RTCB: variants seen among roughly 807,000 people sequenced by gnomAD.
RTCB encodes the protein RNA-splicing ligase RTCB.
RTCB carries 32 observed loss-of-function variants against 58.2 expected under a neutral mutation model. That is an observed-to-expected ratio of 0.55 (90% CI 0.41 to 0.74). RTCB has a LOEUF of 0.74. RTCB is among the 30% of genes least tolerant of loss of function. RTCB has a pLI of 0.00. For synonymous variants in RTCB, 247 were observed against 218.6 expected (o/e 1.13, Z -1.15); for missense variants, 523 against 639.0 (o/e 0.82, Z 1.96).
chr22:32,398,612 A>G (rs977410480), intron 6 of RTCB, among the ~76,000 whole-genome samples: 1 of 152,222 alleles, frequency 6.6e-6, no homozygotes, highest in African/African-American at 2.4e-5. Context: ...TAAAGTAAAT[A>G]AATTAATTTT....
At chr22:32,396,326 G>A in intron 7 of RTCB, 77 bp from the exon 8 acceptor site, 1 of 1,421,576 alleles carries the variant, frequency 7.0e-7, no homozygotes, top group Non-Finnish European at 9.6e-7. Context: ...CAGAAAGGTA[G>A]GCTACATTCA....
intron 11 of RTCB, among the ~76,000 whole-genome samples, chr22:32,390,789 A>G (rs1290736315): frequency 6.6e-6 from 1 of 152,164 alleles, no homozygotes; most frequent in African/African-American, 2.4e-5. Context: ...TATTCTTAAG[A>G]TCAGGGGAAA....
intron 8 of RTCB, 91 bp downstream of exon 8, chr22:32,395,983 A>T: frequency 7.5e-7 from 1 of 1,325,326 alleles, no homozygotes; most frequent in Non-Finnish European, 1.1e-6. Context: ...TACAGGCATG[A>T]GCCACCGTGT....
At chr22:32,388,526 T>C (rs963536594) in intron 11 of RTCB, among the ~76,000 whole-genome samples, 3 of 152,204 alleles carry the variant, frequency 2.0e-5, no homozygotes, top group Non-Finnish European at 2.9e-5. Flanking sequence ...GGAATGAACA[T>C]GTAGTACCTT....
chr22:32,387,904 G>C lies in RTCB; in HGVS notation c.*88C>G. The C allele has an allele frequency of 1.1e-6, 1 of 880,538 alleles. No individual in the cohort carries two copies. The highest frequency in any genetic ancestry group is 1.9e-6 in the Non-Finnish European group (1 of 533,570). The allele number at this position is 880,538 out of a possible 1,614,324, so 54.5% of individuals were successfully genotyped here. ...AGCTGCACACTTTGCAACTTGTCCC[G>C]CCTTGAGTCTGATGTCAGAAGAGCA... On this transcript the variant is annotated 3_prime_UTR_variant, in exon 12 of 12. Coordinates refer to ENST00000216038, the MANE Select transcript of RTCB (RefSeq NM_014306.5).
chr22:32,403,896 CATTT>C (rs1353723447), intron 4 of RTCB, among the ~76,000 whole-genome samples: 3 of 152,196 alleles, frequency 2.0e-5, no homozygotes, highest in Non-Finnish European at 2.9e-5. Context: ...GTGAGTTTAA[CATTT>C]TTAGATTGCA....
intron 11 of RTCB, among the ~76,000 whole-genome samples, chr22:32,389,245 G>C (rs529682601): frequency 2.6e-5 from 4 of 152,184 alleles, no homozygotes; most frequent in Non-Finnish European, 5.9e-5. Context: ...CTCTCCCCTA[G>C]ATGAATATTT....
intron 11 of RTCB, among the ~76,000 whole-genome samples, chr22:32,388,841 C>T (rs1933103175): frequency 6.6e-6 from 1 of 152,146 alleles, no homozygotes; most frequent in Non-Finnish European, 1.5e-5. Context: ...AACTTTCCCA[C>T]TGTGGCCTCT....
At chr22:32,397,340 A>C (rs910035780) in intron 7 of RTCB, among the ~76,000 whole-genome samples, 1 of 152,186 alleles carries the variant, frequency 6.6e-6, no homozygotes, top group Non-Finnish European at 1.5e-5. Flanking sequence ...GTAATTGTCC[A>C]AACTGTGAGA....
intron 4 of RTCB, among the ~76,000 whole-genome samples, chr22:32,403,539 G>A (rs1208356656): frequency 4.6e-5 from 7 of 152,120 alleles, no homozygotes; most frequent in African/African-American, 1.7e-4. Context: ...TGTTTTTCTG[G>A]TGAGAACATT....
intron 1 of RTCB, among the ~76,000 whole-genome samples, chr22:32,411,728 A>G (rs1933527825): frequency 6.6e-6 from 1 of 152,176 alleles, no homozygotes; most frequent in African/African-American, 2.4e-5. Context: ...CCTGGAAAAG[A>G]TCACTGAAGT....
chr22:32,398,404 T>C (rs1416405668), intron 6 of RTCB, among the ~76,000 whole-genome samples: 1 of 151,866 alleles, frequency 6.6e-6, no homozygotes, highest in East Asian at 1.9e-4. Flanking sequence ...AGCTGAACAA[T>C]GAGAACACAT....
At chr22:32,397,884 A>T in intron 7 of RTCB, 57 bp downstream of exon 7, 1 of 1,536,906 alleles carries the variant, frequency 6.5e-7, no homozygotes. Flanking sequence ...TTTCGCTCTT[A>T]AATTTCTATC....
intron 2 of RTCB, among the ~76,000 whole-genome samples, chr22:32,408,480 C>A (rs1933465311): frequency 6.6e-6 from 1 of 152,142 alleles, no homozygotes; most frequent in African/African-American, 2.4e-5. Flanking sequence ...ATAGTAAGTG[C>A]AAAACAAATG....
At chr22:32,399,548 A>G in intron 6 of RTCB, 55 bp downstream of exon 6, 1 of 1,516,644 alleles carries the variant, frequency 6.6e-7, no homozygotes, top group Non-Finnish European at 8.9e-7. Context: ...TTTTCCCCCA[A>G]TAAAAACAAA....
At position 32,406,677 on chromosome 22, in the gene RTCB, C is replaced by T. The variant is rs768439770; in HGVS notation, c.325G>A (p.Ala109Thr). 6.2e-7 allele frequency: 1 copy of T among 1,610,964 alleles called. No individual in the cohort carries two copies. The highest frequency in any genetic ancestry group is 2.2e-5 in the East Asian group (1 of 44,808). The change falls in exon 4 of 12, where the codon GCA becomes ACA. Residue 109 changes from alanine to threonine, a missense_variant. Physicochemically the swap from Ala to Thr is moderately conservative, Grantham distance 58 (BLOSUM62 0). This residue lies in a region of RTCB where 141 missense variants were observed against 216.7 expected (regional missense o/e 0.65). Coordinates refer to ENST00000216038, the MANE Select transcript of RTCB (RefSeq NM_014306.5). The part of the protein sequence containing the change: ...MAAFDMNDPE[A>T]VVSPGGVGFD... ...GTGATCTTACCTGGGGATACTACTG[C>T]TTCAGGGTCATTCATATCAAAGGCT... is the stretch of plus-strand genomic sequence containing the variant.
At chr22:32,395,274 C>T (rs181258338) in intron 8 of RTCB, 60 bp from the exon 9 acceptor site, 64 of 1,422,372 alleles carry the variant, frequency 4.5e-5, no homozygotes, top group Admixed American at 4.2e-4. Context: ...TTCAGCTCTT[C>T]GTGACTCATC....
rs781604964 is a variant in RTCB at position 32,393,993 on chromosome 22, G to A, written c.1189C>T (p.Gln397Ter). The A allele has an allele frequency of 6.2e-7, 1 of 1,608,180 alleles. No homozygotes were observed. The highest frequency in any genetic ancestry group is 2.2e-5 in the East Asian group (1 of 44,856). The change falls in exon 10 of 12, where the codon CAG becomes TAG. Residue 397 changes from glutamine to a stop codon, truncating the protein, a stop_gained. Coordinates refer to ENST00000216038, the MANE Select transcript of RTCB (RefSeq NM_014306.5). LOFTEE classifies it high-confidence loss of function. The stretch of plus-strand genomic sequence containing the variant: ...ATGGTGCCACCAATGAGCACTGGCT[G>A]TCCAGTGAGCTGAGGATGCACATAA... ...LIAVDYQLTGQPVLIGGTMGT... is the reference protein window; with the variant it reads ...LIAVDYQLTG
chr22:32,412,054 C>T lies in RTCB; in HGVS notation c.93+10G>A. 2 of 1,600,208 alleles carry T rather than the reference C, an allele frequency of 1.2e-6. No individual in the cohort carries two copies. Among genetic ancestry groups the T allele is most frequent in the Admixed American group, 3.4e-5 (2 of 58,634 alleles). On this transcript the variant is annotated intron_variant, in intron 1 of 11. Coordinates refer to ENST00000216038, the MANE Select transcript of RTCB (RefSeq NM_014306.5). ...CACGGAAGGCCCCGCCATTTGCTCT[C>T]CTGCCTTACCTGCATGTTGGGCACG...
Sources: allele counts gnomAD v4.1 joint callset (sites outside exome capture counted in the v4.1 genomes callset), GRCh38; gene constraint gnomAD v4.1.1; regional missense constraint gnomAD v4.1.1; transcripts MANE v1.5; gene names NCBI Gene and HGNC (gene_info 2026-07-23, HGNC 2026-07-21).